The following OSBPL10 variants were observed in gnomAD, a reference collection of about 807,000 sequenced individuals.
OSBPL10 encodes the protein oxysterol-binding protein-related protein 10.
In OSBPL10, 49 loss-of-function variants were observed where a neutral mutation model predicts 81.7. That is an observed-to-expected ratio of 0.60 (90% CI 0.48 to 0.76). The LOEUF is 0.76. Among genes scored for constraint, OSBPL10 ranks in the 30% least tolerant of loss-of-function variants. The pLI, the probability that OSBPL10 is intolerant of heterozygous loss-of-function variation, is 0.00. For missense variants in OSBPL10, 923 were observed against 987.8 expected (o/e 0.93, Z 0.88); for synonymous variants, 419 against 383.6 (o/e 1.09, Z -1.08).
chr3:32,075,262 G>C (rs770595917), intron 1 of OSBPL10, among the ~76,000 whole-genome samples: 1 of 152,142 alleles, frequency 6.6e-6, no homozygotes, highest in Non-Finnish European at 1.5e-5. Context: ...GCTGAAAAAG[G>C]AGGACTCTGT....
At chr3:31,883,540 T>TTC (rs1178132588) in intron 1 of OSBPL10, among the ~76,000 whole-genome samples, 4 of 94,830 alleles carry the variant, frequency 4.2e-5, no homozygotes, top group African/African-American at 1.9e-4. Flanking sequence ...TTTTTTTTTG[T>TTC]TGTTTTTTTT....
intron 2 of OSBPL10, among the ~76,000 whole-genome samples, chr3:32,004,200 G>A (rs1169796462): frequency 6.6e-6 from 1 of 152,178 alleles, no homozygotes; most frequent in Non-Finnish European, 1.5e-5. Context: ...GATCCTGTTA[G>A]AGTGGTGACA....
chr3:31,973,581 G>T (rs531640626), intron 1 of OSBPL10, among the ~76,000 whole-genome samples: 10 of 152,298 alleles, frequency 6.6e-5, no homozygotes, highest in African/African-American at 2.4e-4. Flanking sequence ...AGGAGACAAA[G>T]CTGGAAAGGT....
chr3:31,988,817 A>C (rs560107038), intron 2 of OSBPL10: 7 of 517,448 alleles, frequency 1.4e-5, no homozygotes, highest in Admixed American at 3.3e-5. Flanking sequence ...CCTTGGAAGT[A>C]GGTTGTCACC....
upstream of OSBPL10, among the ~76,000 whole-genome samples, chr3:31,984,026 T>TTTTTTG (rs369416472): frequency 1.6e-4 from 24 of 151,930 alleles, 1 homozygote; most frequent in African/African-American, 2.4e-4. Context: ...CTAAGGGGTT[T>TTTTTTG]TTTTTGTTTT....
At chr3:31,801,441 T>C (rs1353945071) in intron 4 of OSBPL10, among the ~76,000 whole-genome samples, 1 of 152,188 alleles carries the variant, frequency 6.6e-6, no homozygotes, top group Non-Finnish European at 1.5e-5. Context: ...GACTCTGGCT[T>C]CTCACCTGCC....
chr3:31,936,990 A>G (rs1159030060), intron 1 of OSBPL10, among the ~76,000 whole-genome samples: 1 of 152,228 alleles, frequency 6.6e-6, no homozygotes, highest in African/African-American at 2.4e-5. Context: ...GGCCTCTAGA[A>G]AGTCAGAGGA....
chr3:31,881,742 G>A (rs1695585493), intron 1 of OSBPL10, among the ~76,000 whole-genome samples: 1 of 152,170 alleles, frequency 6.6e-6, no homozygotes, highest in Non-Finnish European at 1.5e-5. Context: ...GTATGAGGTT[G>A]TTTGGAACTA....
intron 4 of OSBPL10, among the ~76,000 whole-genome samples, chr3:31,821,501 A>T (rs577918670): frequency 1.8e-4 from 27 of 152,270 alleles, no homozygotes; most frequent in African/African-American, 6.3e-4. Flanking sequence ...TTACACAGTA[A>T]GTATCTAATA....
chr3:31,758,417 T>A lies in OSBPL10; in HGVS notation c.730-10297A>T, dbSNP rs118036338. ...ACCCTGAAAACAGAGTTCACAGCCA[T>A]GACAGGATGGGAGGTCCAACTCCGT... is the stretch of plus-strand genomic sequence containing the variant. On this transcript the variant is annotated intron_variant, in intron 4 of 11. Coordinates refer to ENST00000396556, the MANE Select transcript of OSBPL10 (RefSeq NM_017784.5). Among the ~76,000 whole-genome samples the A allele has an allele frequency of 1.7e-3, 254 of 152,280 alleles. 6 individuals carry two copies. The East Asian group carries it at 0.043, about 26-fold the overall frequency.
intron 1 of OSBPL10, among the ~76,000 whole-genome samples, chr3:32,070,233 CA>C (rs1699817788): frequency 6.6e-6 from 1 of 152,142 alleles, no homozygotes; most frequent in African/African-American, 2.4e-5. Context: ...TCCTTGCCCC[CA>C]TAACTGTTGT....
intron 1 of OSBPL10, among the ~76,000 whole-genome samples, chr3:31,972,856 A>C (rs531895534): frequency 6.6e-6 from 1 of 152,204 alleles, no homozygotes; most frequent in Non-Finnish European, 1.5e-5. Flanking sequence ...ACAACACAAA[A>C]AGAAAAGATT....
intron 4 of OSBPL10, among the ~76,000 whole-genome samples, chr3:31,754,076 T>C (rs1440311481): frequency 2.0e-5 from 3 of 152,192 alleles, no homozygotes; most frequent in East Asian, 3.8e-4. Context: ...CGACTTTTTC[T>C]ACCTGACATT....
At chr3:31,908,184 A>C (rs1413201466) in intron 1 of OSBPL10, among the ~76,000 whole-genome samples, 1 of 152,094 alleles carries the variant, frequency 6.6e-6, no homozygotes, top group Non-Finnish European at 1.5e-5. Context: ...AAGTGATGGG[A>C]GATGAAGGGA....
At chr3:31,899,531 C>T (rs1019928311) in intron 1 of OSBPL10, among the ~76,000 whole-genome samples, 1 of 152,056 alleles carries the variant, frequency 6.6e-6, no homozygotes, top group Admixed American at 6.6e-5. Context: ...ACAGATACTG[C>T]AAATTAAACA....
At chr3:31,887,504 G>A (rs1695768169) in intron 1 of OSBPL10, among the ~76,000 whole-genome samples, 1 of 152,160 alleles carries the variant, frequency 6.6e-6, no homozygotes, top group Non-Finnish European at 1.5e-5. Context: ...TCCAGGTGGG[G>A]CTGTAATGCC....
At chr3:31,939,254 C>CGGGA (rs1697471515) in intron 1 of OSBPL10, among the ~76,000 whole-genome samples, 1 of 151,200 alleles carries the variant, frequency 6.6e-6, no homozygotes, top group South Asian at 2.1e-4. Context: ...AAACGATTCT[C>CGGGA]CTGCCTCAGC....
rs535696401 is a variant in OSBPL10 at position 31,962,259 on chromosome 3, C to T, written c.281+18640G>A. On this transcript the variant is annotated intron_variant, in intron 1 of 11. Transcript: ENST00000396556. ...GGTGGGAGCCACCGCGCCTGGCCGG[C>T]ATCACCAATTTTGGATTCGAGGTCC... Among the ~76,000 whole-genome samples, 16 of 152,262 alleles carry T rather than the reference C, an allele frequency of 1.1e-4. No individual in the cohort carries two copies. In the South Asian group the frequency reaches 3.1e-3, roughly 30 times the overall value.
intron 4 of OSBPL10, among the ~76,000 whole-genome samples, chr3:31,757,815 G>T (rs1001037605): frequency 1.3e-5 from 2 of 152,154 alleles, no homozygotes; most frequent in Admixed American, 1.3e-4. Flanking sequence ...TGCTGTAGAA[G>T]ACCAAAAATA....
Sources: allele counts gnomAD v4.1 joint callset (sites outside exome capture counted in the v4.1 genomes callset), GRCh38; gene constraint gnomAD v4.1.1; transcripts MANE v1.5; gene names NCBI Gene and HGNC (gene_info 2026-07-23, HGNC 2026-07-21).